ETV1: variants seen among roughly 807,000 people sequenced by gnomAD.
The protein encoded by ETV1 is ETS translocation variant 1.
In ETV1, 27 loss-of-function variants were observed where a neutral mutation model predicts 62.3. The ratio of observed to expected loss-of-function variants is 0.43; its 90% confidence interval spans 0.32 to 0.60. ETV1 has a LOEUF of 0.60. Among genes scored for constraint, ETV1 ranks in the 20% least tolerant of loss-of-function variants. ETV1 has a pLI of 0.06. For missense variants in ETV1, 605 were observed against 605.8 expected (o/e 1.00, Z 0.01); for synonymous variants, 222 against 199.6 (o/e 1.11, Z -0.94).
chr7:13,938,774 T>C (rs1787111731), intron 7 of ETV1, among the ~76,000 whole-genome samples: 1 of 152,240 alleles, frequency 6.6e-6, no homozygotes, highest in South Asian at 2.1e-4. Flanking sequence ...ATGTTTCATT[T>C]TTTTCTGCAA....
In ETV1 at chr7:13,977,419, A is replaced by G; in HGVS notation, c.235+8T>C. 1 of 1,518,152 alleles carries G rather than the reference A, an allele frequency of 6.6e-7. No individual in the cohort carries two copies. The highest frequency in any genetic ancestry group is 8.9e-7 in the Non-Finnish European group (1 of 1,117,900). 94.0% of individuals were successfully genotyped at this position (1,518,152 alleles called of 1,614,324 possible). ...AAAAATACAAGAGATGAGTCATACT[A>G]TACTTACAACTTTCAGCCTGATAGT... On this transcript the variant is annotated splice_region_variant and intron_variant, in intron 6 of 13. Coordinates refer to ENST00000430479, the MANE Select transcript of ETV1 (RefSeq NM_004956.5).
At chr7:13,906,633 G>A (rs1782992890) in intron 11 of ETV1, 34 bp from the exon 12 acceptor site, 2 of 1,454,042 alleles carry the variant, frequency 1.4e-6, no homozygotes, top group Non-Finnish European at 1.9e-6. Flanking sequence ...TCTATTATTA[G>A]CAATACTATG....
chr7:13,911,013 G>T (rs1172401134), intron 10 of ETV1, among the ~76,000 whole-genome samples: 1 of 152,134 alleles, frequency 6.6e-6, no homozygotes, highest in Admixed American at 6.5e-5. Context: ...AAAGAACACA[G>T]AAATCCACTT....
intron 9 of ETV1, among the ~76,000 whole-genome samples, chr7:13,914,234 G>T (rs1783895610): frequency 6.6e-6 from 1 of 151,888 alleles, no homozygotes; most frequent in Non-Finnish European, 1.5e-5. Context: ...CCTCATGTTA[G>T]CTCCTAAAGC....
At chr7:13,988,016 C>T in intron 4 of ETV1, 70 bp downstream of exon 4, 2 of 833,042 alleles carry the variant, frequency 2.4e-6, no homozygotes, top group Non-Finnish European at 4.2e-6. Flanking sequence ...GACTGAAGTG[C>T]TCCTTTTCTT....
intron 5 of ETV1, chr7:13,986,295 TAGG>T: frequency 6.6e-7 from 1 of 1,506,680 alleles, no homozygotes; most frequent in East Asian, 2.5e-5. Context: ...GTTCTGGCTC[TAGG>T]AGGTCTCTGG....
Position 13,895,808 on chromosome 7 carries a change from CTG to C in ETV1, c.*56_*57del. ...AATAAAACAAAGATTCAGCAATTCTCTGTATCTTGCAGAAAAAAGGAAAAGCG... is the reference window on the plus strand; with the variant it reads ...AATAAAACAAAGATTCAGCAATTCTCTATCTTGCAGAAAAAAGGAAAAGCG... On this transcript the variant is annotated 3_prime_UTR_variant, in exon 14 of 14. Transcript: ENST00000430479. The C allele has an allele frequency of 9.1e-7, 1 of 1,098,914 alleles. No individual in the cohort carries two copies. The highest frequency in any genetic ancestry group is 1.6e-5 in the African/African-American group (1 of 64,372). The allele number at this position is 1,098,914 out of a possible 1,614,324, so 68.1% of individuals were successfully genotyped here. A position where few individuals can be genotyped will look rare whatever the true frequency, so the allele number is the denominator to read the frequency against.
At chr7:13,930,801 T>C (rs540331459) in intron 9 of ETV1, among the ~76,000 whole-genome samples, 2 of 150,458 alleles carry the variant, frequency 1.3e-5, no homozygotes, top group African/African-American at 4.9e-5. Context: ...TATATATTTT[T>C]TTTTTTTTGA....
chr7:13,900,266 A>G, intron 13 of ETV1: 1 of 152,726 alleles, frequency 6.5e-6, no homozygotes, highest in East Asian at 1.9e-4. Flanking sequence ...AAACTATCAG[A>G]TGATAAAACT....
intron 9 of ETV1, among the ~76,000 whole-genome samples, chr7:13,921,280 G>T (rs1784818771): frequency 6.6e-6 from 1 of 152,164 alleles, no homozygotes; most frequent in Admixed American, 6.5e-5. Context: ...AAAGTTCATG[G>T]AATCATAATC....
rs1785830698 is a variant in ETV1 at position 13,929,461 on chromosome 7, T to G, written c.802+2041A>C. On this transcript the variant is annotated intron_variant, in intron 9 of 13. Coordinates refer to ENST00000430479, the MANE Select transcript of ETV1 (RefSeq NM_004956.5). ...TTAGTAGCTGAGGAAATCTCTAAAA[T>G]GAGCCTGGAAGAGTATGTGGTATGG... is the stretch of plus-strand genomic sequence containing the variant. Among the ~76,000 whole-genome samples, 3 of 152,306 alleles carry G rather than the reference T, an allele frequency of 2.0e-5. No homozygotes were observed. In the South Asian group the frequency reaches 6.2e-4, roughly 32 times the overall value.
intron 8 of ETV1, among the ~76,000 whole-genome samples, chr7:13,934,210 T>C (rs1786519143): frequency 6.6e-6 from 1 of 152,198 alleles, no homozygotes; most frequent in Non-Finnish European, 1.5e-5. Context: ...TGACAAAGTC[T>C]CAAGGCTACA....
At chr7:13,897,820 G>GA (rs1781996662) in intron 13 of ETV1, among the ~76,000 whole-genome samples, 1 of 152,174 alleles carries the variant, frequency 6.6e-6, no homozygotes, top group East Asian at 1.9e-4. Context: ...AGTATTTGGA[G>GA]AAAAAATAAA....
chr7:13,917,843 A>T (rs1784359370), intron 9 of ETV1, among the ~76,000 whole-genome samples: 1 of 151,942 alleles, frequency 6.6e-6, no homozygotes, highest in Non-Finnish European at 1.5e-5. Flanking sequence ...GGGCACCAGT[A>T]GTCCCAGCTA....
intron 6 of ETV1, among the ~76,000 whole-genome samples, chr7:13,945,245 G>A (rs1036581580): frequency 2.0e-5 from 3 of 152,084 alleles, no homozygotes; most frequent in Admixed American, 2.0e-4. Flanking sequence ...ACTGTGATCT[G>A]ATGTATGCCG....
intron 6 of ETV1, among the ~76,000 whole-genome samples, chr7:13,972,421 G>C (rs1490669979): frequency 2.0e-5 from 3 of 152,134 alleles, no homozygotes; most frequent in South Asian, 2.1e-4. Context: ...AACCAAGTGA[G>C]ACCCTGTCTC....
intron 9 of ETV1, among the ~76,000 whole-genome samples, chr7:13,913,727 G>C (rs941151644): frequency 4.6e-5 from 7 of 151,828 alleles, no homozygotes; most frequent in African/African-American, 1.7e-4. Context: ...TGAGATGACT[G>C]ATTTGTTGAT....
chr7:13,936,056 T>G (rs1343930506), intron 7 of ETV1, among the ~76,000 whole-genome samples, 160 bp from the exon 8 acceptor site: 2 of 152,218 alleles, frequency 1.3e-5, no homozygotes, highest in Non-Finnish European at 2.9e-5. Context: ...CAGATAAACT[T>G]CAAAATCACA....
rs530406922 is a variant in ETV1 at position 13,986,607 on chromosome 7, T to C, written c.181+31A>G. On this transcript the variant is annotated intron_variant, in intron 5 of 13. Transcript: ENST00000430479. ...TTTTCTTTCTCCTTCTAGAGTTGCT[T>C]TCCCCCCTTTTAAAGCAAATTTTGC... 36 of 1,610,842 alleles carry C rather than the reference T, an allele frequency of 2.2e-5. No homozygotes were observed. The South Asian group carries it at 3.9e-4, about 17-fold the overall frequency.
Sources: allele counts gnomAD v4.1 joint callset (sites outside exome capture counted in the v4.1 genomes callset), GRCh38; gene constraint gnomAD v4.1.1; transcripts MANE v1.5; gene names NCBI Gene and HGNC (gene_info 2026-07-23, HGNC 2026-07-21).